The following SNX6 variants were observed in gnomAD, a reference collection of about 807,000 sequenced individuals.
SNX6 encodes the protein sorting nexin 6, also known as sorting nexin-6.
A neutral mutation model predicts 63.0 loss-of-function variants in SNX6; 34 were observed. That is an observed-to-expected ratio of 0.54 (90% confidence interval 0.41 to 0.72). The LOEUF is 0.72. Ranked by LOEUF, SNX6 falls within the 30% of genes least tolerant of loss-of-function variation. The pLI is 0.00. For missense variants in SNX6, 398 were observed against 471.4 expected (o/e 0.84, Z 1.44); for synonymous variants, 170 against 164.2 (o/e 1.04, Z -0.27).
chr14:34,628,228 G>A (rs1285763418), intron 2 of SNX6, among the ~76,000 whole-genome samples: 1 of 152,084 alleles, frequency 6.6e-6, no homozygotes, highest in Admixed American at 6.6e-5. Flanking sequence ...GGGAGGCCGG[G>A]GTGGGTAGAT....
chr14:34,600,457 T>A (rs563815865), intron 6 of SNX6, among the ~76,000 whole-genome samples: 100 of 149,144 alleles, frequency 6.7e-4, no homozygotes, highest in South Asian at 1.1e-3. Flanking sequence ...TTTTTTTTTT[T>A]AAAAAGAGAC....
chr14:34,571,432 CAAA>C (rs981863950), intron 11 of SNX6, among the ~76,000 whole-genome samples: 2 of 147,556 alleles, frequency 1.4e-5, no homozygotes, highest in Non-Finnish European at 3.0e-5. Flanking sequence ...GACTCCGTCT[CAAA>C]AAAAAACAAC....
chr14:34,581,438 C>G, intron 10 of SNX6, 123 bp downstream of exon 10: 1 of 513,998 alleles, frequency 1.9e-6, no homozygotes, highest in Non-Finnish European at 3.6e-6. Flanking sequence ...AGGCACGAGC[C>G]ACGTGCCTGG....
chr14:34,567,108 T>C (rs1462775946), intron 13 of SNX6, among the ~76,000 whole-genome samples: 21 of 145,370 alleles, frequency 1.4e-4, no homozygotes, highest in Middle Eastern at 4.3e-3. Flanking sequence ...CCTGTAGTCC[T>C]AGCTACTCGG....
At chr14:34,585,535 A>G (rs1006503450) in intron 9 of SNX6, among the ~76,000 whole-genome samples, 1 of 152,104 alleles carries the variant, frequency 6.6e-6, no homozygotes. Context: ...AAAAACTAAA[A>G]CAAAAACCAA....
Position 34,584,630 on chromosome 14 carries a change from GTTC to G in SNX6, c.794+1597_794+1599del, listed in dbSNP as rs765713513. On this transcript the variant is annotated intron_variant, in intron 9 of 13. Coordinates refer to ENST00000362031, the MANE Select transcript of SNX6 (RefSeq NM_152233.4). Reference sequence around the variant, plus strand: ...TATATATTCTAATTCCCAAATGGCAGTTCTTATTTATAAGCTTTATCAAAACTT... The same window carrying G: ...TATATATTCTAATTCCCAAATGGCAGTTATTTATAAGCTTTATCAAAACTT... 6.6e-5 allele frequency among the ~76,000 whole-genome samples: 10 copies of G among 151,942 alleles called. No individual in the cohort carries two copies. The South Asian group carries it at 1.9e-3, about 28-fold the overall frequency.
At chr14:34,571,096 ATAT>A (rs1881432044) in intron 11 of SNX6, among the ~76,000 whole-genome samples, 1 of 151,978 alleles carries the variant, frequency 6.6e-6, no homozygotes, top group Non-Finnish European at 1.5e-5. Context: ...AGACAATGGA[ATAT>A]TATTCAGCAC....
Position 34,567,600 on chromosome 14 carries a change from T to C in SNX6, c.1167+86A>G, listed in dbSNP as rs1315387972. On this transcript the variant is annotated intron_variant, in intron 13 of 13. Transcript: ENST00000362031. The stretch of plus-strand genomic sequence containing the variant: ...GTTGTCACAGTATCCCTATGAGAAC[T>C]GACATTAAAGAATTATCAATGTCAT... 6 of 1,031,890 alleles carry C rather than the reference T, an allele frequency of 5.8e-6. No individual in the cohort carries two copies. In the African/African-American group the frequency reaches 9.6e-5, roughly 17 times the overall value. 63.9% of individuals were successfully genotyped at this position (1,031,890 alleles called of 1,614,324 possible). A position where few individuals can be genotyped will look rare whatever the true frequency, so the allele number is the denominator to read the frequency against.
intron 2 of SNX6, among the ~76,000 whole-genome samples, chr14:34,619,687 A>G (rs996712888): frequency 5.3e-5 from 8 of 152,062 alleles, no homozygotes; most frequent in Admixed American, 4.6e-4. Flanking sequence ...CTTTTACCAC[A>G]TGTACAATGT....
At chr14:34,613,400 G>A (rs1207608690) in intron 2 of SNX6, among the ~76,000 whole-genome samples, 1 of 152,168 alleles carries the variant, frequency 6.6e-6, no homozygotes, top group Non-Finnish European at 1.5e-5. Context: ...TACAGGTTTT[G>A]GAATAATGAC....
intron 10 of SNX6, among the ~76,000 whole-genome samples, chr14:34,579,195 G>A (rs1881840896): frequency 2.0e-5 from 3 of 151,872 alleles, no homozygotes; most frequent in East Asian, 3.9e-4. Flanking sequence ...CAACAGAATT[G>A]TATACTTGTG....
Position 34,605,597 on chromosome 14 carries a change from C to A in SNX6, c.391G>T (p.Ala131Ser). Reference protein sequence around the residue: ...EFTKMKQELEAEYLAIFKKTV... With the variant: ...EFTKMKQELESEYLAIFKKTV... The stretch of plus-strand genomic sequence containing the variant: ...CAAAAAAATAAAAAAATCACTTACG[C>A]TTCCAGTTCCTGTTTCATCTTTGTG... The change falls in exon 5 of 14, where the codon GCT (alanine) becomes TCT (serine). Residue 131 changes from alanine to serine, a missense_variant and splice_region_variant. By Grantham distance (99) the Ala-to-Ser change is moderately conservative. Coordinates refer to ENST00000362031, the MANE Select transcript of SNX6 (RefSeq NM_152233.4). 6.4e-7 allele frequency: 1 copy of A among 1,571,114 alleles called. No individual in the cohort carries two copies. Among genetic ancestry groups the A allele is most frequent in the Non-Finnish European group, 8.6e-7 (1 of 1,165,822 alleles).
intron 2 of SNX6, among the ~76,000 whole-genome samples, chr14:34,615,625 T>C (rs1007850880): frequency 1.6e-4 from 25 of 152,194 alleles, no homozygotes; most frequent in Non-Finnish European, 3.4e-4. Flanking sequence ...TCTTTTTTTT[T>C]CCCCTTGAGA....
chr14:34,593,984 A>C (rs948939155), intron 7 of SNX6, among the ~76,000 whole-genome samples: 4 of 152,064 alleles, frequency 2.6e-5, no homozygotes, highest in African/African-American at 9.7e-5. Context: ...CCAACGTGCT[A>C]AAGTGCTGGG....
intron 13 of SNX6, among the ~76,000 whole-genome samples, chr14:34,564,642 A>G (rs1239853817): frequency 1.3e-5 from 2 of 152,022 alleles, no homozygotes; most frequent in South Asian, 2.1e-4. Flanking sequence ...CGCCTGGCCA[A>G]CATGGTGAAA....
intron 10 of SNX6, among the ~76,000 whole-genome samples, chr14:34,579,046 G>C (rs1881833844): frequency 7.0e-6 from 1 of 143,094 alleles, no homozygotes; most frequent in African/African-American, 2.6e-5. Context: ...CAAGCTTGTA[G>C]AACAACCTAA....
chr14:34,571,418 G>A (rs1266898524), intron 11 of SNX6, among the ~76,000 whole-genome samples: 1 of 152,040 alleles, frequency 6.6e-6, no homozygotes, highest in East Asian at 1.9e-4. Flanking sequence ...GGGTGACAGA[G>A]TGAGACTCCG....
chr14:34,578,848 C>T (rs1476298149), intron 10 of SNX6, among the ~76,000 whole-genome samples: 1 of 132,422 alleles, frequency 7.6e-6, no homozygotes, highest in Non-Finnish European at 1.6e-5. Flanking sequence ...CTGAGGCAGG[C>T]GAATTGCTTG....
intron 2 of SNX6, among the ~76,000 whole-genome samples, chr14:34,625,720 G>A (rs911265358): frequency 1.3e-5 from 2 of 151,958 alleles, no homozygotes; most frequent in Admixed American, 6.6e-5. Flanking sequence ...GCAACAGAGC[G>A]AGACCCTGTC....
Sources: gnomAD v4.1 joint callset for allele counts (sites outside exome capture counted in the v4.1 genomes callset) on GRCh38, gnomAD v4.1.1 for gene constraint, MANE v1.5 for transcripts, NCBI Gene and HGNC (gene_info 2026-07-23, HGNC 2026-07-21) for gene names.